The following ZNF536 variants were observed in gnomAD, a reference collection of about 807,000 sequenced individuals.
ZNF536 encodes zinc finger protein 536.
A neutral mutation model predicts 84.5 loss-of-function variants in ZNF536; 13 were observed. The observed-to-expected ratio is 0.15, with a 90% CI of 0.10 to 0.24. The LOEUF is 0.24. Ranked by LOEUF, ZNF536 falls within the 10% of genes least tolerant of loss-of-function variation. The pLI, the probability that ZNF536 is intolerant of heterozygous loss-of-function variation, is 1.00. For synonymous variants in ZNF536, 811 were observed against 742.5 expected (o/e 1.09, Z -1.50); for missense variants, 1,536 against 1,747.5 (o/e 0.88, Z 2.16).
At chr19:30,228,034 GTGTGCGTGCGTGCGTGTGTA>G (rs1486762020), upstream of ZNF536, among the ~76,000 whole-genome samples, 1 of 152,142 alleles carries the variant, frequency 6.6e-6, no homozygotes, top group Admixed American at 6.5e-5. The surrounding 1 kb of genome is among the most constrained non-coding windows in gnomAD (Gnocchi z 4.5). Flanking sequence ...TTGGGGTGGG[GTGTGCGTGCGTGCGTGTGTA>G]TGTGCGTGCG....
intron 1 of ZNF536, among the ~76,000 whole-genome samples, chr19:30,279,762 C>T (rs138064451): frequency 8.2e-4 from 125 of 152,320 alleles, no homozygotes; most frequent in African/African-American, 2.9e-3. Context: ...ACTCAAGTGT[C>T]ATCTGTGGGG....
intron 1 of ZNF536, among the ~76,000 whole-genome samples, chr19:30,640,062 C>T (rs7249406): frequency 0.45 from 67,874 of 151,992 alleles, 15,624 homozygotes; most frequent in Non-Finnish European, 0.51. Flanking sequence ...CTGGCTAACA[C>T]GGTGAAACCT....
intron 3 of ZNF536, among the ~76,000 whole-genome samples, chr19:30,536,283 C>T (rs1036341525): frequency 6.6e-6 from 1 of 152,104 alleles, no homozygotes; most frequent in Non-Finnish European, 1.5e-5. Context: ...TGTGTTCCTG[C>T]CCCTCCCTCC....
chr19:30,544,954 C>G (rs1346319208), intron 3 of ZNF536, among the ~76,000 whole-genome samples: 1 of 152,198 alleles, frequency 6.6e-6, no homozygotes, highest in East Asian at 1.9e-4. Context: ...TCCAGATTCT[C>G]AAATACCTCC....
At chr19:30,577,661 A>G (rs940625823) in intron 1 of ZNF536, among the ~76,000 whole-genome samples, 3 of 152,116 alleles carry the variant, frequency 2.0e-5, no homozygotes, top group African/African-American at 4.8e-5. Flanking sequence ...TTAAAAATCC[A>G]TTTTCGTCTG....
At chr19:30,279,479 C>G (rs903699410) in intron 1 of ZNF536, among the ~76,000 whole-genome samples, 2 of 152,162 alleles carry the variant, frequency 1.3e-5, no homozygotes, top group Admixed American at 1.3e-4. Flanking sequence ...CCATGTTCAT[C>G]CCCCAGCGTT....
At chr19:30,368,773 C>T (rs1002010842), upstream of ZNF536, among the ~76,000 whole-genome samples, 10 of 152,284 alleles carry the variant, frequency 6.6e-5, no homozygotes, top group Admixed American at 2.0e-4. Context: ...GATTCGACAG[C>T]GGAGAATCTC....
At chr19:30,708,653 A>G (rs530468520) in intron 1 of ZNF536, among the ~76,000 whole-genome samples, 32 of 152,290 alleles carry the variant, frequency 2.1e-4, no homozygotes, top group African/African-American at 7.2e-4. Context: ...GCAAAGGAAA[A>G]GATTCAACAG....
chr19:30,448,262 G>A (rs1216957635), intron 2 of ZNF536, among the ~76,000 whole-genome samples: 11 of 152,222 alleles, frequency 7.2e-5, no homozygotes, highest in African/African-American at 1.7e-4. Flanking sequence ...TCAGCTGTGC[G>A]TCTGGGGCAT....
chr19:30,274,515 G>A (rs894764740), intron 1 of ZNF536, among the ~76,000 whole-genome samples: 1 of 152,200 alleles, frequency 6.6e-6, no homozygotes, highest in South Asian at 2.1e-4. Flanking sequence ...ATTTGGACTG[G>A]CCAGATTTCA....
chr19:30,326,561 A>G (rs2146320610), intron 2 of ZNF536, among the ~76,000 whole-genome samples: 1 of 152,220 alleles, frequency 6.6e-6, no homozygotes, highest in South Asian at 2.1e-4. Context: ...GGAGAGGGCC[A>G]GGGGATGGTG....
intron 2 of ZNF536, among the ~76,000 whole-genome samples, chr19:30,490,985 C>T (rs758654094): frequency 9.2e-5 from 14 of 151,930 alleles, no homozygotes; most frequent in Admixed American, 6.6e-5. Flanking sequence ...ACTGAGGACC[C>T]GGGACCCAGG....
chr19:30,580,875 A>G (rs1372040343), intron 1 of ZNF536, among the ~76,000 whole-genome samples: 5 of 152,192 alleles, frequency 3.3e-5, no homozygotes, highest in African/African-American at 1.2e-4. Flanking sequence ...AGATGGGGGC[A>G]GCAGAGACTG....
intron 1 of ZNF536, among the ~76,000 whole-genome samples, chr19:30,570,423 C>A (rs1188705508): frequency 3.9e-5 from 6 of 152,272 alleles, no homozygotes; most frequent in African/African-American, 1.4e-4. Context: ...GGGAGCCAGC[C>A]TTTTCTTCTC....
chr19:30,227,616 G>A (rs949450318), upstream of ZNF536, among the ~76,000 whole-genome samples: 2 of 152,082 alleles, frequency 1.3e-5, no homozygotes, highest in African/African-American at 2.4e-5. Context: ...CGTCCTGGGG[G>A]CTGGGTCGTG....
intron 1 of ZNF536, among the ~76,000 whole-genome samples, chr19:30,660,151 C>G (rs1468867209): frequency 6.6e-6 from 1 of 152,174 alleles, no homozygotes; most frequent in East Asian, 1.9e-4. Context: ...TTTCTTGTCT[C>G]TGGAGACCTG....
chr19:30,420,964 G>T (rs966718398), intron 1 of ZNF536, among the ~76,000 whole-genome samples: 1 of 152,150 alleles, frequency 6.6e-6, no homozygotes, highest in Non-Finnish European at 1.5e-5. Flanking sequence ...GGGTTTCACC[G>T]TTCACCTTCA....
intron 1 of ZNF536, among the ~76,000 whole-genome samples, chr19:30,632,848 C>T (rs748383790): frequency 9.0e-4 from 137 of 152,286 alleles, no homozygotes; most frequent in Non-Finnish European, 1.7e-3. Flanking sequence ...AAATCCCTGA[C>T]TGACTCCATT....
chr19:30,527,154 T>C (rs568794425), intron 2 of ZNF536, among the ~76,000 whole-genome samples: 1 of 150,202 alleles, frequency 6.7e-6, no homozygotes, highest in South Asian at 2.2e-4. Context: ...CCTGACCTTG[T>C]GGTCTGCCCA....
Sources: allele counts gnomAD v4.1 joint callset (sites outside exome capture counted in the v4.1 genomes callset), GRCh38; gene constraint gnomAD v4.1.1; non-coding constraint Gnocchi (gnomAD v3.1); transcripts MANE v1.5; gene names NCBI Gene and HGNC (gene_info 2026-07-23, HGNC 2026-07-21).